LOXL2: variants seen among roughly 807,000 people sequenced by gnomAD.
LOXL2 encodes lysyl oxidase homolog 2.
A neutral mutation model predicts 93.0 loss-of-function variants in LOXL2; 70 were observed. The observed-to-expected ratio is 0.75, with a 90% CI of 0.62 to 0.92. LOXL2 has a LOEUF of 0.92. LOXL2 is among the 40% of genes least tolerant of loss of function. LOXL2 has a pLI of 0.00. For synonymous variants in LOXL2, 438 were observed against 413.2 expected (o/e 1.06, Z -0.73); for missense variants, 973 against 1,054.9 (o/e 0.92, Z 1.08).
chr8:23,341,871 G>C (rs1315135834), intron 3 of LOXL2, among the ~76,000 whole-genome samples: 1 of 152,210 alleles, frequency 6.6e-6, no homozygotes, highest in Admixed American at 6.5e-5. Context: ...TGCCTGGCAG[G>C]GATCAGGGAG....
chr8:23,397,732 C>T (rs1170427535), intron 1 of LOXL2, among the ~76,000 whole-genome samples: 2 of 147,594 alleles, frequency 1.4e-5, no homozygotes, highest in Non-Finnish European at 3.0e-5. Context: ...GAGCCGAGAT[C>T]GCGCCACTGC....
intron 1 of LOXL2, among the ~76,000 whole-genome samples, chr8:23,369,580 C>G (rs1175793906): frequency 6.6e-6 from 1 of 152,172 alleles, no homozygotes; most frequent in Non-Finnish European, 1.5e-5. Context: ...GAGGGATGAT[C>G]TGCCTTGGAG....
At chr8:23,393,328 G>T (rs752820333) in intron 1 of LOXL2, among the ~76,000 whole-genome samples, 13 of 152,194 alleles carry the variant, frequency 8.5e-5, no homozygotes, top group Admixed American at 2.0e-4. Context: ...AAAAGTCAAG[G>T]CAGTATGGTA....
At chr8:23,306,288 G>A (rs1319869017) in intron 10 of LOXL2, among the ~76,000 whole-genome samples, 1 of 152,206 alleles carries the variant, frequency 6.6e-6, no homozygotes, top group Non-Finnish European at 1.5e-5. Flanking sequence ...CCTTTGCAGA[G>A]GAGATGCTTG....
intron 1 of LOXL2, among the ~76,000 whole-genome samples, chr8:23,391,091 C>T (rs1037955267): frequency 2.0e-5 from 3 of 152,116 alleles, no homozygotes; most frequent in Admixed American, 2.0e-4. Flanking sequence ...AGGGAAGTTG[C>T]CCCATGATTC....
At position 23,350,194 on chromosome 8, in the gene LOXL2, G is replaced by C. The variant is rs73547666; in HGVS notation, c.532-8991C>G. On this transcript the variant is annotated intron_variant, in intron 3 of 13. Transcript: ENST00000389131. Reference sequence around the variant, plus strand: ...TGGCTTGGCTAAGTGTGTATTATCTGCACACAGTATGAGGCATGCTGTACT... The same window carrying C: ...TGGCTTGGCTAAGTGTGTATTATCTCCACACAGTATGAGGCATGCTGTACT... Among the ~76,000 whole-genome samples, 439 of 152,278 alleles carry C rather than the reference G, an allele frequency of 2.9e-3. 3 individuals are homozygous for C. Among genetic ancestry groups the C allele is most frequent in the African/African-American group, 0.01 (431 of 41,560 alleles).
At chr8:23,306,201 T>C (rs1296647465) in intron 10 of LOXL2, among the ~76,000 whole-genome samples, 1 of 152,084 alleles carries the variant, frequency 6.6e-6, no homozygotes, top group Non-Finnish European at 1.5e-5. Context: ...CAGAGAAAGA[T>C]GGGAGAAGCA....
In LOXL2 at chr8:23,361,289, C is replaced by T. The variant is rs556026164; in HGVS notation, c.356-1024G>A. 1.2e-4 allele frequency among the ~76,000 whole-genome samples: 18 copies of T among 152,284 alleles called. No homozygotes were observed. The South Asian group carries it at 3.7e-3, about 32-fold the overall frequency. On this transcript the variant is annotated intron_variant, in intron 2 of 13. Coordinates refer to ENST00000389131, the MANE Select transcript of LOXL2 (RefSeq NM_002318.3). ...GAAGTGGCATGATTATCCCACCACC[C>T]CTTGAACCCAGAAGCCTGGGCCTTG...
At chr8:23,381,107 T>TTA (rs1554483466) in intron 1 of LOXL2, among the ~76,000 whole-genome samples, 1 of 151,784 alleles carries the variant, frequency 6.6e-6, no homozygotes, top group Admixed American at 6.6e-5. Flanking sequence ...TTTTTTTTTT[T>TTA]GTACACATTT....
intron 1 of LOXL2, among the ~76,000 whole-genome samples, chr8:23,380,240 A>C (rs1271758666): frequency 1.3e-5 from 2 of 152,104 alleles, no homozygotes; most frequent in Non-Finnish European, 2.9e-5. Context: ...TAAAAATACA[A>C]AAATTAGCTG....
intron 8 of LOXL2, 78 bp downstream of exon 8, chr8:23,319,807 G>C (rs1803464648): frequency 6.8e-7 from 1 of 1,475,618 alleles, no homozygotes; most frequent in African/African-American, 1.4e-5. Context: ...GGGTACGTGG[G>C]AGAGGGGGGC....
chr8:23,351,926 A>T (rs1306204565), intron 3 of LOXL2, among the ~76,000 whole-genome samples: 3 of 152,136 alleles, frequency 2.0e-5, no homozygotes, highest in African/African-American at 7.2e-5. Context: ...CCTGGGTTCA[A>T]GCGATTCTCG....
intron 1 of LOXL2, among the ~76,000 whole-genome samples, chr8:23,369,262 T>A (rs1260785566): frequency 6.6e-6 from 1 of 152,200 alleles, no homozygotes; most frequent in Non-Finnish European, 1.5e-5. Context: ...TCATCGTATC[T>A]GGTGGAGCCT....
At chr8:23,333,142 G>A (rs1296454846) in intron 5 of LOXL2, among the ~76,000 whole-genome samples, 2 of 152,144 alleles carry the variant, frequency 1.3e-5, no homozygotes, top group Non-Finnish European at 2.9e-5. Context: ...GGTCCCTGTC[G>A]CACAACCCTT....
At chr8:23,353,435 A>G (rs1250801847) in intron 3 of LOXL2, among the ~76,000 whole-genome samples, 2 of 152,156 alleles carry the variant, frequency 1.3e-5, no homozygotes, top group African/African-American at 4.8e-5. Flanking sequence ...TATCCAGACA[A>G]ACTTCTGTTT....
At chr8:23,384,480 C>T (rs1472467222) in intron 1 of LOXL2, among the ~76,000 whole-genome samples, 2 of 152,200 alleles carry the variant, frequency 1.3e-5, no homozygotes, top group Non-Finnish European at 2.9e-5. Context: ...AGTCTCACCT[C>T]CTCCTAGAAG....
intron 1 of LOXL2, among the ~76,000 whole-genome samples, chr8:23,383,750 TC>T (rs1472396064): frequency 7.0e-6 from 1 of 143,794 alleles, no homozygotes; most frequent in Non-Finnish European, 1.5e-5. Context: ...AAGCTCTGCC[TC>T]CCGGGTTCAC....
chr8:23,378,456 C>T (rs1393653272), intron 1 of LOXL2, among the ~76,000 whole-genome samples: 2 of 152,110 alleles, frequency 1.3e-5, no homozygotes, highest in South Asian at 2.1e-4. Context: ...TTGTGGCATT[C>T]TCTGTATTTC....
chr8:23,404,014 C>A lies in LOXL2; in HGVS notation c.-144G>T. On this transcript the variant is annotated 5_prime_UTR_variant, in exon 1 of 14. Coordinates refer to ENST00000389131, the MANE Select transcript of LOXL2 (RefSeq NM_002318.3). ...CGCGCTCTCCACGGTGGTCCCCCTC[C>A]GCTTCCGCCGCCGCTGAGCCCCTTT... 5.6e-6 allele frequency: 1 copy of A among 178,844 alleles called. No homozygotes were observed. The highest frequency in any genetic ancestry group is 1.2e-5 in the Non-Finnish European group (1 of 82,100). 11.1% of individuals were successfully genotyped at this position (178,844 alleles called of 1,614,324 possible).
Sources: gnomAD v4.1 joint callset for allele counts (sites outside exome capture counted in the v4.1 genomes callset) on GRCh38, gnomAD v4.1.1 for gene constraint, MANE v1.5 for transcripts, NCBI Gene and HGNC (gene_info 2026-07-23, HGNC 2026-07-21) for gene names.